The following KAT6B variants were observed in gnomAD, a reference collection of about 807,000 sequenced individuals.
KAT6B encodes the protein histone acetyltransferase KAT6B.
In KAT6B, 10 loss-of-function variants were observed where a neutral mutation model predicts 187.5. The ratio of observed to expected loss-of-function variants is 0.05; its 90% confidence interval spans 0.03 to 0.09. KAT6B has a LOEUF of 0.09. KAT6B is among the 10% of genes least tolerant of loss of function. The probability of loss-of-function intolerance (pLI) is 1.00; values close to 1 mark genes in which losing one functional copy is unlikely to be tolerated. For synonymous variants in KAT6B, 861 were observed against 926.8 expected (o/e 0.93, Z 1.29); for missense variants, 1,952 against 2,558.9 (o/e 0.76, Z 5.12).
intron 3 of KAT6B, among the ~76,000 whole-genome samples, chr10:74,946,231 T>G (rs1839942452): frequency 6.6e-6 from 1 of 152,244 alleles, no homozygotes; most frequent in African/African-American, 2.4e-5. Context: ...AAGTTGTTAA[T>G]AATATTTCCC....
chr10:74,976,280 C>A lies in KAT6B; in HGVS notation c.1943C>A (p.Pro648Gln). ...KVTPQMGTPS[P>Q]GKGSLTDGRI... ...ACCCCTCAGATGGGGACCCCCTCAC[C>A]AGGGAAGGGGAGCTTGACAGACGGA... is the stretch of plus-strand genomic sequence containing the variant. Residue 648 changes from proline to glutamine, a missense_variant, in exon 8 of 18, where the codon CCA becomes CAA. This residue lies in a region of KAT6B where 417 missense variants were observed against 508.9 expected (regional missense o/e 0.82). Transcript: ENST00000287239. 6.2e-7 allele frequency: 1 copy of A among 1,613,964 alleles called. No individual in the cohort carries two copies. The highest frequency in any genetic ancestry group is 8.5e-7 in the Non-Finnish European group (1 of 1,179,996).
At chr10:74,825,853 AG>A (rs1387918439), upstream of KAT6B, among the ~76,000 whole-genome samples, 2 of 85,772 alleles carry the variant, frequency 2.3e-5, no homozygotes, top group African/African-American at 9.0e-5. This position sits in a 1 kb window ranked among gnomAD's most constrained non-coding sequence, Gnocchi z 5.0. Flanking sequence ...TGGGGCTGGC[AG>A]GGTAGGGGTG....
chr10:74,896,649 A>G (rs1346770359), intron 3 of KAT6B, among the ~76,000 whole-genome samples: 1 of 152,240 alleles, frequency 6.6e-6, no homozygotes, highest in African/African-American at 2.4e-5. Context: ...TTTTAGAAAT[A>G]AGATAACAGA....
At chr10:74,830,537 A>G (rs1840674400) in intron 1 of KAT6B, among the ~76,000 whole-genome samples, 2 of 151,534 alleles carry the variant, frequency 1.3e-5, no homozygotes, top group Admixed American at 1.3e-4. Flanking sequence ...ACCTAGTCAT[A>G]AGGTATGCTT....
intron 3 of KAT6B, among the ~76,000 whole-genome samples, chr10:74,955,383 T>TCC (rs34174594): frequency 0.07 from 7,094 of 101,054 alleles, 489 homozygotes; most frequent in South Asian, 0.13. Flanking sequence ...CACAATTTTA[T>TCC]CCCCCCCCCC....
intron 12 of KAT6B, among the ~76,000 whole-genome samples, chr10:74,987,602 G>A (rs1842891884): frequency 6.6e-6 from 1 of 152,202 alleles, no homozygotes; most frequent in Admixed American, 6.5e-5. Flanking sequence ...AGTGCAAATT[G>A]TTACATGCAT....
intron 1 of KAT6B, among the ~76,000 whole-genome samples, chr10:74,830,267 G>A (rs377261549): frequency 1.2e-3 from 184 of 152,010 alleles, no homozygotes; most frequent in African/African-American, 4.1e-3. Flanking sequence ...ACCAATTTTC[G>A]TATCATCTAT....
intron 4 of KAT6B, among the ~76,000 whole-genome samples, chr10:74,965,225 C>T (rs1320222858): frequency 6.6e-6 from 1 of 152,240 alleles, no homozygotes; most frequent in African/African-American, 2.4e-5. Context: ...TCGTTCATCT[C>T]TCCCTCTGTT....
intron 11 of KAT6B, chr10:74,984,224 A>C (rs1842690764): frequency 6.6e-6 from 1 of 152,238 alleles, no homozygotes. Context: ...TAATTTGTGC[A>C]AGATGAGAAC....
chr10:74,970,004 ATATGT>A lies in KAT6B; in HGVS notation c.847-12_847-8del. 1 of 1,573,352 alleles carries A rather than the reference ATATGT, an allele frequency of 6.4e-7. No homozygotes were observed. Among genetic ancestry groups the A allele is most frequent in the Non-Finnish European group, 8.7e-7 (1 of 1,143,340 alleles). The stretch of plus-strand genomic sequence containing the variant: ...TGGTTTCAGTCTCAATTAGTCTCTA[ATATGT>A]TATATTACAGGATAATATGCTTTTT... On this transcript the variant is annotated splice_polypyrimidine_tract_variant and intron_variant, in intron 5 of 17. Transcript: ENST00000287239.
chr10:74,905,680 T>A (rs764288495), intron 3 of KAT6B, among the ~76,000 whole-genome samples: 25 of 152,210 alleles, frequency 1.6e-4, no homozygotes, highest in Admixed American at 4.6e-4. Context: ...GCACTAGCGG[T>A]GGATTAAGGA....
At chr10:74,830,769 T>TATATGTATATATATATATATATATA (rs58702000) in intron 1 of KAT6B, among the ~76,000 whole-genome samples, 3 of 7,734 alleles carry the variant, frequency 3.9e-4, no homozygotes, top group Non-Finnish European at 7.8e-4. Context: ...TATATATATA[T>TATATGTATATATATATATATATATA]TTTTTTTTTT....
chr10:74,895,361 A>G (rs1845914221), intron 3 of KAT6B, among the ~76,000 whole-genome samples: 2 of 149,420 alleles, frequency 1.3e-5, no homozygotes, highest in Admixed American at 6.7e-5. Flanking sequence ...CCCTTTAATC[A>G]TATTATTATT....
At chr10:74,937,835 A>G (rs1426760840) in intron 3 of KAT6B, among the ~76,000 whole-genome samples, 2 of 152,230 alleles carry the variant, frequency 1.3e-5, no homozygotes, top group Non-Finnish European at 2.9e-5. Flanking sequence ...CTGCTATGAT[A>G]ACTACTACTA....
At position 74,835,148 on chromosome 10, in the gene KAT6B, A is replaced by G. The variant is rs552093325; in HGVS notation, c.-328-3535A>G. On this transcript the variant is annotated intron_variant, in intron 1 of 17. Transcript: ENST00000287239. ...TGAATGTCAAAACAGTAAAAAAGCT[A>G]AAAGCTTCCTGTTAGACAAAGATGT... Among the ~76,000 whole-genome samples the G allele has an allele frequency of 1.4e-4, 22 of 152,346 alleles. No individual in the cohort carries two copies. The East Asian group carries it at 4.2e-3, about 29-fold the overall frequency.
rs1411292601 is a variant in KAT6B at position 75,030,191 on chromosome 10, C to T, written c.5367C>T (p.Asn1789=). ...TGGCTGAAATCCCCGAGACGAGCAA[C>T]GCCAACATTGGCTTATACGAGCGAA... ...MQLAEIPETS[N]ANIGLYERMG... The change falls in exon 18 of 18, where the codon AAC becomes AAT. Residue 1789 remains asparagine, a synonymous_variant. Coordinates refer to ENST00000287239, the MANE Select transcript of KAT6B (RefSeq NM_012330.4). The surrounding 1 kb of genome is among the most constrained non-coding windows in gnomAD (Gnocchi z 4.8). 1.2e-5 allele frequency: 19 copies of T among 1,614,090 alleles called. No individual in the cohort carries two copies. Among genetic ancestry groups the T allele is most frequent in the Middle Eastern group, 1.6e-4 (1 of 6,084 alleles).
chr10:74,916,505 A>G (rs1847691280), intron 3 of KAT6B, among the ~76,000 whole-genome samples: 1 of 152,222 alleles, frequency 6.6e-6, no homozygotes, highest in Non-Finnish European at 1.5e-5. Context: ...TTCATGTATT[A>G]TGATTTACAT....
At chr10:74,952,972 T>C (rs1840428354) in intron 3 of KAT6B, among the ~76,000 whole-genome samples, 1 of 151,626 alleles carries the variant, frequency 6.6e-6, no homozygotes, top group Admixed American at 6.6e-5. Flanking sequence ...AGTGTGGGGA[T>C]TACAAGCGTA....
rs569024095 is a variant in KAT6B, at chr10:75,009,226, G to A, written c.2630-11356G>A. Among the ~76,000 whole-genome samples the A allele has an allele frequency of 4.6e-5, 7 of 152,260 alleles. No homozygotes were observed. In the East Asian group the frequency reaches 1.2e-3, roughly 25 times the overall value. ...TGTTAACATGTCTATTTGAGTTCCTGTTATTTACGTAGTTTGTGGTTCTTG... is the reference window on the plus strand; with the variant it reads ...TGTTAACATGTCTATTTGAGTTCCTATTATTTACGTAGTTTGTGGTTCTTG... On this transcript the variant is annotated intron_variant, in intron 13 of 17. Transcript: ENST00000287239.
Sources: allele counts gnomAD v4.1 joint callset (sites outside exome capture counted in the v4.1 genomes callset), GRCh38; gene constraint gnomAD v4.1.1; regional missense constraint gnomAD v4.1.1; non-coding constraint Gnocchi (gnomAD v3.1); transcripts MANE v1.5; gene names NCBI Gene and HGNC (gene_info 2026-07-23, HGNC 2026-07-21).